CNGB1: variants seen among roughly 807,000 people sequenced by gnomAD.
CNGB1 encodes the protein cyclic nucleotide gated channel subunit beta 1, also known as cyclic nucleotide-gated channel beta-1.
CNGB1 carries 126 observed loss-of-function variants against 151.7 expected under a neutral mutation model. The ratio of observed to expected loss-of-function variants is 0.83; its 90% CI spans 0.72 to 0.96. The LOEUF is 0.96. Among genes scored for constraint, CNGB1 ranks in the 40% least tolerant of loss-of-function variants. CNGB1 has a pLI of 0.00. For missense variants in CNGB1, 1,698 were observed against 1,627.0 expected, an observed-to-expected ratio of 1.04 and a Z score of -0.75; for synonymous variants, 623 against 635.1, an observed-to-expected ratio of 0.98 and a Z score of 0.29.
intron 13 of CNGB1, among the ~76,000 whole-genome samples, chr16:57,950,135 T>C (rs1452469230): frequency 2.0e-5 from 3 of 152,170 alleles, no homozygotes; most frequent in South Asian, 4.1e-4. Context: ...ACATGTGCTA[T>C]GCCATCTTCT....
chr16:57,952,800 C>G (rs1407648785), intron 12 of CNGB1, among the ~76,000 whole-genome samples: 1 of 152,146 alleles, frequency 6.6e-6, no homozygotes, highest in Non-Finnish European at 1.5e-5. Flanking sequence ...CATGCCCGGC[C>G]TCATTTCCTC....
intron 17 of CNGB1, among the ~76,000 whole-genome samples, chr16:57,928,588 G>A (rs1434457606): frequency 6.6e-6 from 1 of 152,174 alleles, no homozygotes; most frequent in Non-Finnish European, 1.5e-5. Context: ...TGGTGGGATT[G>A]TAGATGATTA....
At chr16:57,913,029 G>A (rs766527560) in intron 23 of CNGB1, 35 bp from the exon 24 acceptor site, 16 of 1,607,006 alleles carry the variant, frequency 1.0e-5, no homozygotes, top group Middle Eastern at 1.7e-4. Flanking sequence ...GCAGCCCACC[G>A]GCCATAGGTA....
At chr16:57,956,502 G>A (rs1597009922) in intron 12 of CNGB1, among the ~76,000 whole-genome samples, 2 of 152,170 alleles carry the variant, frequency 1.3e-5, no homozygotes, top group Non-Finnish European at 2.9e-5. Flanking sequence ...CCGGCTTCAG[G>A]GCACTCATGG....
In CNGB1 at chr16:57,911,783, G is replaced by A; in HGVS notation, c.2462C>T (p.Thr821Ile). 1 of 1,614,134 alleles carries A rather than the reference G, an allele frequency of 6.2e-7. No homozygotes were observed. Among genetic ancestry groups the A allele is most frequent in the Non-Finnish European group, 8.5e-7 (1 of 1,179,974 alleles). ...TCCCACGCCATCGTAAACCCAGTGA[G>A]TGGAGCCGAGGCCCTGATAGGCCGA... ...WASAYQGLGSTHWVYDGVGNS... is the reference protein window; with the variant it reads ...WASAYQGLGSIHWVYDGVGNS... The change falls in exon 25 of 33, where the codon ACT (threonine) becomes ATT (isoleucine). Residue 821 changes from threonine (T) to isoleucine (I), a missense_variant. By Grantham distance (89) the Thr-to-Ile change is moderately conservative. Coordinates refer to ENST00000251102, the MANE Select transcript of CNGB1 (RefSeq NM_001297.5).
chr16:57,940,208 G>GTGCCTCAGAGT (rs1276643216), intron 15 of CNGB1, 26 bp downstream of exon 15: 1 of 1,546,728 alleles, frequency 6.5e-7, no homozygotes, highest in African/African-American at 1.4e-5. Flanking sequence ...GGCCTCAGAG[G>GTGCCTCAGAGT]TGCCAGTGCC....
chr16:57,929,710 T>C (rs74613191), intron 17 of CNGB1, among the ~76,000 whole-genome samples: 2,214 of 152,234 alleles, frequency 0.015, 59 homozygotes, highest in African/African-American at 0.051. Flanking sequence ...TTTTAAACCA[T>C]TGGATCTCGT....
intron 29 of CNGB1, among the ~76,000 whole-genome samples, chr16:57,900,722 C>A (rs1406690708): frequency 1.3e-5 from 2 of 152,174 alleles, no homozygotes; most frequent in Non-Finnish European, 2.9e-5. Context: ...TTTCCTCCAC[C>A]CCAGCTGCCT....
intron 31 of CNGB1, 99 bp from the exon 32 acceptor site, chr16:57,888,173 G>T: frequency 7.7e-7 from 1 of 1,298,354 alleles, no homozygotes; most frequent in Non-Finnish European, 1.1e-6. Context: ...GTGTAGTGGT[G>T]GTGATTTTGG....
At position 57,957,367 on chromosome 16, in the gene CNGB1, G is replaced by T; in HGVS notation, c.848C>A (p.Ser283Tyr). The T allele has an allele frequency of 1.9e-6, 3 of 1,613,940 alleles. No homozygotes were observed. The highest frequency in any genetic ancestry group is 2.5e-6 in the Non-Finnish European group (3 of 1,179,940). The change falls in exon 12 of 33, where the codon TCC (serine) becomes TAC (tyrosine). Residue 283 changes from serine (S) to tyrosine (Y), a missense_variant. Transcript: ENST00000251102. ...GGTCTGCACATCACATATCCCAGGG[G>T]AGTCAGGCTCCTGCATGGAGAGAGA... ...HGKIGEQEPD[S>Y]PGICDVQTIS...
chr16:57,958,330 A>AGGGACACAGGCC (rs1491039007), intron 11 of CNGB1, 80 bp downstream of exon 11: 20 of 905,860 alleles, frequency 2.2e-5, no homozygotes, highest in Non-Finnish European at 6.2e-6. Flanking sequence ...CCACAGGGCC[A>AGGGACACAGGCC]ACCATCCTCC....
Position 57,912,991 on chromosome 16 carries a change from T to G in CNGB1, c.2308A>C (p.Met770Leu), listed in dbSNP as rs199571662. 4 of 1,613,872 alleles carry G rather than the reference T, an allele frequency of 2.5e-6. No homozygotes were observed. The highest frequency in any genetic ancestry group is 3.4e-6 in the Non-Finnish European group (4 of 1,179,824). ...LLRLPRCLKY[M>L]AFFEFNSRLE... ...CGGCTGTTAAACTCGAAGAAGGCCATGTACTGGAGGGAGAGGAGGGCGTGA... is the reference window on the plus strand; with the variant it reads ...CGGCTGTTAAACTCGAAGAAGGCCAGGTACTGGAGGGAGAGGAGGGCGTGA... The change falls in exon 24 of 33, where the codon ATG becomes CTG. Residue 770 changes from methionine to leucine, a missense_variant. Physicochemically the swap from Met to Leu is conservative, Grantham distance 15. Transcript: ENST00000251102.
At chr16:57,941,444 G>A (rs914899647) in intron 14 of CNGB1, among the ~76,000 whole-genome samples, 50 of 152,294 alleles carry the variant, frequency 3.3e-4, no homozygotes, top group African/African-American at 1.2e-3. Flanking sequence ...AGTCGGTCTG[G>A]AGCCAGCCGC....
chr16:57,970,540 G>A (rs1383413332), intron 1 of CNGB1, among the ~76,000 whole-genome samples: 4 of 152,234 alleles, frequency 2.6e-5, no homozygotes, highest in African/African-American at 9.6e-5. Flanking sequence ...GGCATTTGCC[G>A]AGTGTTGGCC....
chr16:57,964,705 C>T (rs41253), intron 2 of CNGB1, among the ~76,000 whole-genome samples, 161 bp from the exon 3 acceptor site: 2 of 152,162 alleles, frequency 1.3e-5, no homozygotes, highest in African/African-American at 4.8e-5. Flanking sequence ...TACCTTCCAC[C>T]TGGGATACTC....
intron 25 of CNGB1, among the ~76,000 whole-genome samples, chr16:57,905,457 A>C (rs1960523302): frequency 6.6e-6 from 1 of 152,220 alleles, no homozygotes; most frequent in African/African-American, 2.4e-5. Flanking sequence ...CTAAGATGTC[A>C]TCCACCAGCA....
At chr16:57,920,266 TG>T in intron 19 of CNGB1, 120 bp downstream of exon 19, 1 of 1,099,982 alleles carries the variant, frequency 9.1e-7, no homozygotes, top group Non-Finnish European at 1.3e-6. Context: ...AGTGGGGATC[TG>T]GGCTTCTCTC....
chr16:57,920,176 G>C (rs1960989436), intron 19 of CNGB1, among the ~76,000 whole-genome samples: 1 of 152,238 alleles, frequency 6.6e-6, no homozygotes, highest in South Asian at 2.1e-4. Context: ...CCGAGTGCAA[G>C]TGGATTGTTG....
At chr16:57,909,428 C>T (rs1303595128) in intron 25 of CNGB1, among the ~76,000 whole-genome samples, 1 of 152,122 alleles carries the variant, frequency 6.6e-6, no homozygotes, top group Non-Finnish European at 1.5e-5. Context: ...CTCTGTTGCC[C>T]AGGCTGGAGT....
Sources: gnomAD v4.1 joint callset for allele counts (sites outside exome capture counted in the v4.1 genomes callset) on GRCh38, gnomAD v4.1.1 for gene constraint, MANE v1.5 for transcripts, NCBI Gene and HGNC (gene_info 2026-07-23, HGNC 2026-07-21) for gene names.